Variants in EFNA5 observed in about 807,000 individuals in gnomAD.
EFNA5 encodes ephrin-A5.
A neutral mutation model predicts 22.9 loss-of-function variants in EFNA5; 5 were observed. The observed-to-expected ratio is 0.22, with a 90% CI of 0.11 to 0.46. EFNA5 has a LOEUF of 0.46. EFNA5 is among the 20% of genes least tolerant of loss of function. The pLI is 0.99. For missense variants in EFNA5, 237 were observed against 293.3 expected, an observed-to-expected ratio of 0.81 and a Z score of 1.40; for synonymous variants, 113 against 112.2, an observed-to-expected ratio of 1.01 and a Z score of -0.04.
intron 1 of EFNA5, among the ~76,000 whole-genome samples, chr5:107,506,575 G>A (rs1356387740): frequency 6.6e-6 from 1 of 152,206 alleles, no homozygotes; most frequent in Middle Eastern, 3.2e-3. Context: ...AGCAGGAGCA[G>A]GAGCAGGGGA....
intron 1 of EFNA5, among the ~76,000 whole-genome samples, chr5:107,528,419 A>G (rs1477780199): frequency 6.6e-6 from 1 of 152,174 alleles, no homozygotes. Context: ...CAGAATATCT[A>G]CTAAGTGCAC....
intron 1 of EFNA5, among the ~76,000 whole-genome samples, chr5:107,569,358 T>C (rs1748724625): frequency 6.9e-6 from 1 of 145,452 alleles, no homozygotes; most frequent in African/African-American, 2.5e-5. Context: ...CCTTAAAATA[T>C]ATATACGTGT....
At chr5:107,429,504 C>G (rs2112423504) in intron 1 of EFNA5, among the ~76,000 whole-genome samples, 1 of 152,210 alleles carries the variant, frequency 6.6e-6, no homozygotes, top group East Asian at 1.9e-4. Context: ...TATTCATTGA[C>G]AAGCCAAGAT....
intron 2 of EFNA5, among the ~76,000 whole-genome samples, chr5:107,413,910 C>T (rs1311687126): frequency 8.5e-5 from 13 of 152,082 alleles, no homozygotes; most frequent in Admixed American, 8.5e-4. Context: ...TTAGTCTCTC[C>T]CTAACCAGAG....
At chr5:107,569,379 ATAT>A (rs1748726742) in intron 1 of EFNA5, among the ~76,000 whole-genome samples, 1 of 145,664 alleles carries the variant, frequency 6.9e-6, no homozygotes, top group Non-Finnish European at 1.5e-5. Flanking sequence ...ATATATATAT[ATAT>A]TTTTATGTAT....
At chr5:107,572,953 A>G (rs1205204559) in intron 1 of EFNA5, among the ~76,000 whole-genome samples, 1 of 152,160 alleles carries the variant, frequency 6.6e-6, no homozygotes, top group Non-Finnish European at 1.5e-5. Context: ...TGTTAAGCTC[A>G]TTCCCATCAT....
rs913736452 is a variant in EFNA5 at position 107,379,859 on chromosome 5, T to G, written c.*1396A>C. 15 of 152,156 alleles carry G rather than the reference T, an allele frequency of 9.9e-5. No homozygotes were observed. The highest frequency in any genetic ancestry group is 3.6e-4 in the African/African-American group (15 of 41,412). The allele number at this position is 152,156 out of a possible 1,614,324, so 9.4% of individuals were successfully genotyped here. On this transcript the variant is annotated 3_prime_UTR_variant, in exon 5 of 5. Transcript: ENST00000333274. ...ATAGGACAAGCATATATACTCACTC[T>G]CAGCATAAAGTATATCTAAATAATG...
intron 1 of EFNA5, among the ~76,000 whole-genome samples, chr5:107,490,907 A>C (rs1746786867): frequency 6.6e-6 from 1 of 152,212 alleles, no homozygotes. Flanking sequence ...GATCCTGCTC[A>C]TTATATATTT....
intron 1 of EFNA5, among the ~76,000 whole-genome samples, chr5:107,580,807 A>G (rs1021178159): frequency 6.6e-6 from 1 of 152,092 alleles, no homozygotes; most frequent in Admixed American, 6.5e-5. Flanking sequence ...ATGCGCCCAC[A>G]TTGTGTTGTA....
chr5:107,583,250 T>C (rs1437059351), intron 1 of EFNA5, among the ~76,000 whole-genome samples: 1 of 152,178 alleles, frequency 6.6e-6, no homozygotes, highest in Non-Finnish European at 1.5e-5. Flanking sequence ...TAGAGCATCC[T>C]AAGAGAATGT....
chr5:107,555,608 A>T (rs1476968019), intron 1 of EFNA5, among the ~76,000 whole-genome samples: 1 of 152,220 alleles, frequency 6.6e-6, no homozygotes, highest in Non-Finnish European at 1.5e-5. Context: ...TTAACCTGTG[A>T]CAGAAGAAAG....
chr5:107,567,627 A>C (rs892744911), intron 1 of EFNA5, among the ~76,000 whole-genome samples: 55 of 152,374 alleles, frequency 3.6e-4, no homozygotes, highest in Non-Finnish European at 6.3e-4. Flanking sequence ...AAGGGAAGAC[A>C]AAAGGCAGAC....
intron 2 of EFNA5, among the ~76,000 whole-genome samples, chr5:107,424,959 T>C (rs1337913145): frequency 7.9e-5 from 12 of 152,218 alleles, no homozygotes; most frequent in Admixed American, 7.9e-4. Flanking sequence ...TTCTTGTTAA[T>C]GAACATCTTT....
intron 1 of EFNA5, among the ~76,000 whole-genome samples, chr5:107,529,224 A>G (rs1029619327): frequency 2.0e-5 from 3 of 152,138 alleles, no homozygotes; most frequent in Non-Finnish European, 4.4e-5. Flanking sequence ...AGTTTGAAAC[A>G]TTGGGATGTT....
intron 1 of EFNA5, among the ~76,000 whole-genome samples, chr5:107,465,501 T>G (rs916792345): frequency 5.3e-5 from 8 of 152,120 alleles, no homozygotes; most frequent in Admixed American, 2.6e-4. Flanking sequence ...TGGCTTTGCC[T>G]CTTAAAGCAT....
At position 107,401,803 on chromosome 5, in the gene EFNA5, T is replaced by G. The variant is rs568804532; in HGVS notation, c.419-14032A>C. Among the ~76,000 whole-genome samples the G allele has an allele frequency of 1.7e-4, 26 of 152,316 alleles. No homozygotes were observed. In the South Asian group the frequency reaches 4.3e-3, roughly 25 times the overall value. On this transcript the variant is annotated intron_variant, in intron 2 of 4. Transcript: ENST00000333274. ...AGCCACTGGGTTCAGATGCTTTCAT[T>G]CGGGTGAAAAGATCATTACCAGGCG...
rs138703036 is a variant in EFNA5, at chr5:107,440,325, C to A, written c.126-12816G>T. 2.7e-3 allele frequency among the ~76,000 whole-genome samples: 405 copies of A among 152,284 alleles called. 2 individuals carry two copies. Among genetic ancestry groups the A allele is most frequent in the Non-Finnish European group, 5.1e-3 (349 of 68,032 alleles). The stretch of plus-strand genomic sequence containing the variant: ...CTTAAATGCTTGTCTATCTCAATGA[C>A]AGAGAATATAGTTGTTTTTCTTTTT... On this transcript the variant is annotated intron_variant, in intron 1 of 4. Transcript: ENST00000333274.
Position 107,654,436 on chromosome 5 carries a change from C to T in EFNA5, c.125+16053G>A, listed in dbSNP as rs1750786801. On this transcript the variant is annotated intron_variant, in intron 1 of 4. Transcript: ENST00000333274. ...AAATGATTAAGGCTATATAAAATTA[C>T]TAAAGATTTGTTAGATACCTAAGGA... Among the ~76,000 whole-genome samples the T allele has an allele frequency of 3.3e-5, 5 of 152,086 alleles. No homozygotes were observed. The South Asian group carries it at 1.0e-3, about 32-fold the overall frequency.
intron 1 of EFNA5, among the ~76,000 whole-genome samples, chr5:107,665,960 T>C (rs1292364228): frequency 1.3e-5 from 2 of 152,182 alleles, no homozygotes; most frequent in Non-Finnish European, 2.9e-5. Context: ...AGTAACAAAA[T>C]TACTACCAAT....
Sources: allele counts gnomAD v4.1 joint callset (sites outside exome capture counted in the v4.1 genomes callset), GRCh38; gene constraint gnomAD v4.1.1; transcripts MANE v1.5; gene names NCBI Gene and HGNC (gene_info 2026-07-23, HGNC 2026-07-21).